Variants in MEF2C observed in about 807,000 individuals in gnomAD.
The protein encoded by MEF2C is myocyte enhancer factor 2C.
A neutral mutation model predicts 50.5 loss-of-function variants in MEF2C; 6 were observed. The observed-to-expected ratio is 0.12, with a 90% confidence interval of 0.07 to 0.23. The LOEUF (loss-of-function observed/expected upper bound fraction) is 0.23, where lower values mean the gene tolerates loss of function less well. MEF2C is among the 10% of genes least tolerant of loss of function. MEF2C has a pLI of 1.00. For synonymous variants in MEF2C, 183 were observed against 228.0 expected (o/e 0.80, Z 1.78); for missense variants, 276 against 605.0 (o/e 0.46, Z 5.70).
At chr5:88,738,546 C>A in intron 6 of MEF2C, 8 of 928,808 alleles carry the variant, frequency 8.6e-6, no homozygotes, top group Non-Finnish European at 1.0e-5. Context: ...ACTGGTGAAG[C>A]TATGATTTGA....
intron 5 of MEF2C, among the ~76,000 whole-genome samples, 172 bp downstream of exon 5, chr5:88,751,685 C>G (rs576212143): frequency 6.6e-6 from 1 of 152,144 alleles, no homozygotes; most frequent in Admixed American, 6.5e-5. Context: ...GAAAAACATA[C>G]TAAAGAATTT....
chr5:88,849,785 G>A (rs957584475), intron 1 of MEF2C, among the ~76,000 whole-genome samples: 1 of 152,014 alleles, frequency 6.6e-6, no homozygotes, highest in Non-Finnish European at 1.5e-5. Flanking sequence ...AAAAAACACT[G>A]AAGAGATAAA....
intron 6 of MEF2C, among the ~76,000 whole-genome samples, chr5:88,745,975 A>T (rs1297618181): frequency 6.6e-6 from 1 of 152,230 alleles, no homozygotes; most frequent in Admixed American, 6.5e-5. Context: ...CTTTTTGTAG[A>T]GTGCACAGTA....
At chr5:88,884,953 A>T (rs1463271537), upstream of MEF2C, among the ~76,000 whole-genome samples, 1 of 152,242 alleles carries the variant, frequency 6.6e-6, no homozygotes, top group Admixed American at 6.5e-5. Flanking sequence ...GCATGCCAGT[A>T]GAATTATAGA....
chr5:88,861,482 C>T (rs1222260673), intron 1 of MEF2C, among the ~76,000 whole-genome samples: 1 of 152,190 alleles, frequency 6.6e-6, no homozygotes, highest in Admixed American at 6.5e-5. Flanking sequence ...TTGAAATTTA[C>T]CGGTCTATCC....
intron 1 of MEF2C, among the ~76,000 whole-genome samples, chr5:88,903,382 A>G (rs1247153651): frequency 6.6e-6 from 1 of 151,916 alleles, no homozygotes; most frequent in Non-Finnish European, 1.5e-5. Flanking sequence ...ATTTTAAATT[A>G]TTTAATTATA....
chr5:88,853,992 T>G (rs570732892), intron 1 of MEF2C, among the ~76,000 whole-genome samples: 31 of 152,154 alleles, frequency 2.0e-4, no homozygotes, highest in South Asian at 6.2e-4. Flanking sequence ...TTCCTAATTT[T>G]TACATGGGGG....
chr5:88,855,501 A>G (rs1319554572), intron 1 of MEF2C, among the ~76,000 whole-genome samples: 1 of 152,206 alleles, frequency 6.6e-6, no homozygotes, highest in Admixed American at 6.5e-5. Flanking sequence ...TTCATGTTGC[A>G]TGATTTTTAT....
intron 3 of MEF2C, among the ~76,000 whole-genome samples, chr5:88,795,570 A>G (rs1795684496): frequency 6.6e-6 from 1 of 152,144 alleles, no homozygotes; most frequent in African/African-American, 2.4e-5. Flanking sequence ...TAAATATGCA[A>G]TCATGTCACC....
In MEF2C at chr5:88,793,318, A is replaced by G. The variant is rs535878009; in HGVS notation, c.258+11280T>C. Reference sequence around the variant, plus strand: ...ATGTACGTATGTACGATGTGGCTTGAGTATAGGATGGGGGTTGTAAGGGCA... The same window carrying G: ...ATGTACGTATGTACGATGTGGCTTGGGTATAGGATGGGGGTTGTAAGGGCA... On this transcript the variant is annotated intron_variant, in intron 3 of 10. Transcript: ENST00000504921. 1.4e-3 allele frequency among the ~76,000 whole-genome samples: 202 copies of G among 148,584 alleles called. 2 individuals are homozygous for G. The highest frequency in any genetic ancestry group is 4.6e-3 in the African/African-American group (186 of 40,484).
At chr5:88,845,910 T>C (rs1460631661) in intron 1 of MEF2C, among the ~76,000 whole-genome samples, 1 of 152,144 alleles carries the variant, frequency 6.6e-6, no homozygotes, top group Admixed American at 6.5e-5. Flanking sequence ...TTGGTGCTGA[T>C]AATTTTTATA....
At chr5:88,739,381 T>C in intron 6 of MEF2C, 1 of 982,280 alleles carries the variant, frequency 1.0e-6, no homozygotes, top group Non-Finnish European at 1.2e-6. Context: ...TACAGCATAC[T>C]GGGTTGTTAG....
At chr5:88,828,599 C>G (rs980108391) in intron 1 of MEF2C, among the ~76,000 whole-genome samples, 3 of 151,974 alleles carry the variant, frequency 2.0e-5, no homozygotes, top group Admixed American at 1.3e-4. Context: ...AGCCCAGTTG[C>G]TGCAAACCTA....
At chr5:88,804,878 T>A in intron 2 of MEF2C, 77 bp from the exon 3 acceptor site, 1 of 1,231,488 alleles carries the variant, frequency 8.1e-7, no homozygotes. Context: ...TTTTTTCTTT[T>A]CCTTCACAAA....
At chr5:88,802,989 T>C (rs1436223945) in intron 3 of MEF2C, among the ~76,000 whole-genome samples, 6 of 152,180 alleles carry the variant, frequency 3.9e-5, no homozygotes, top group African/African-American at 1.4e-4. Flanking sequence ...GTTATAATGG[T>C]TTTAGTAATG....
chr5:88,815,588 T>A (rs939339239), intron 2 of MEF2C, among the ~76,000 whole-genome samples: 4 of 152,116 alleles, frequency 2.6e-5, no homozygotes, highest in Non-Finnish European at 5.9e-5. Flanking sequence ...TTAATTTTTT[T>A]CCTTAATGAT....
intron 3 of MEF2C, chr5:88,771,327 C>G: frequency 1.6e-6 from 1 of 619,434 alleles, no homozygotes; most frequent in Non-Finnish European, 2.0e-6. Flanking sequence ...TACGCCATTC[C>G]ATCCTTCCTA....
chr5:88,734,391 A>T (rs1252050852), intron 6 of MEF2C: 1 of 985,162 alleles, frequency 1.0e-6, no homozygotes, highest in East Asian at 1.1e-4. Flanking sequence ...GCTTGAATAG[A>T]TCAGAAGAAA....
chr5:88,741,101 T>C (rs1467819153), intron 6 of MEF2C: 1 of 985,310 alleles, frequency 1.0e-6, no homozygotes, highest in African/African-American at 1.7e-5. Flanking sequence ...GATTTATTAA[T>C]ACATCCGCTT....
Sources: gnomAD v4.1 joint callset for allele counts (sites outside exome capture counted in the v4.1 genomes callset) on GRCh38, gnomAD v4.1.1 for gene constraint, MANE v1.5 for transcripts, NCBI Gene and HGNC (gene_info 2026-07-23, HGNC 2026-07-21) for gene names.